Variants in WWP1 observed in about 807,000 individuals in gnomAD.
The protein encoded by WWP1 is WW domain containing E3 ubiquitin protein ligase 1.
A neutral mutation model predicts 130.6 loss-of-function variants in WWP1; 49 were observed. The observed-to-expected ratio is 0.38, with a 90% CI of 0.30 to 0.48. WWP1 has a LOEUF of 0.48. Ranked by LOEUF, WWP1 falls within the 20% of genes least tolerant of loss-of-function variation. The pLI, the probability that WWP1 is intolerant of heterozygous loss-of-function variation, is 0.99. For synonymous variants in WWP1, 332 were observed against 367.8 expected, an observed-to-expected ratio of 0.90 and a Z score of 1.11; for missense variants, 809 against 1,100.6, an observed-to-expected ratio of 0.74 and a Z score of 3.75.
chr8:86,387,704 G>C (rs1825368229), intron 5 of WWP1, among the ~76,000 whole-genome samples: 1 of 151,856 alleles, frequency 6.6e-6, no homozygotes, highest in Non-Finnish European at 1.5e-5. Context: ...TGTATTTTTT[G>C]GTAGAGATGG....
At chr8:86,372,017 A>ATTTTTTTTTTTTTT (rs34458424) in intron 2 of WWP1, among the ~76,000 whole-genome samples, 2 of 70,216 alleles carry the variant, frequency 2.8e-5, no homozygotes, top group African/African-American at 6.0e-5. Context: ...TAATTTTTGT[A>ATTTTTTTTTTTTTT]TTTTTTTTTT....
At chr8:86,442,556 T>G in intron 17 of WWP1, 63 bp from the exon 18 acceptor site, 1 of 1,426,142 alleles carries the variant, frequency 7.0e-7, no homozygotes, top group South Asian at 1.4e-5. Context: ...TGAATATATT[T>G]AAGATCTGTT....
chr8:86,427,525 A>G, intron 10 of WWP1, 118 bp from the exon 11 acceptor site: 1 of 1,041,904 alleles, frequency 9.6e-7, no homozygotes, highest in Non-Finnish European at 1.3e-6. Flanking sequence ...TCATAGTTTT[A>G]TATGTTTTAG....
chr8:86,369,808 CCTT>C (rs1413301938), intron 2 of WWP1, among the ~76,000 whole-genome samples: 1 of 152,078 alleles, frequency 6.6e-6, no homozygotes, highest in South Asian at 2.1e-4. Context: ...CTGTATCTGT[CCTT>C]CTTTTGCATC....
chr8:86,384,090 A>G (rs1353757274), intron 5 of WWP1, among the ~76,000 whole-genome samples: 3 of 152,150 alleles, frequency 2.0e-5, no homozygotes, highest in Non-Finnish European at 4.4e-5. Flanking sequence ...TTCCCTCTGT[A>G]TATGTGTCTG....
chr8:86,355,053 A>G (rs1823177072), intron 1 of WWP1, among the ~76,000 whole-genome samples: 1 of 152,206 alleles, frequency 6.6e-6, no homozygotes, highest in African/African-American at 2.4e-5. Context: ...TGAAGTTTGC[A>G]TGTAGGTCTG....
intron 21 of WWP1, among the ~76,000 whole-genome samples, chr8:86,453,411 T>C (rs1050936124): frequency 3.3e-5 from 5 of 152,342 alleles, no homozygotes; most frequent in South Asian, 2.1e-4. Flanking sequence ...TAGAGTATTA[T>C]GTACACTACC....
chr8:86,435,538 G>A lies in WWP1; in HGVS notation c.1677+11G>A. ...CGTTATTTGTGCCAGGTACTATAGT[G>A]GTAAATAAATCTTATACTCAATAAT... On this transcript the variant is annotated intron_variant, in intron 15 of 24. Coordinates refer to ENST00000517970, the MANE Select transcript of WWP1 (RefSeq NM_007013.4). 6.2e-7 allele frequency: 1 copy of A among 1,613,844 alleles called. No homozygotes were observed. The highest frequency in any genetic ancestry group is 8.5e-7 in the Non-Finnish European group (1 of 1,179,916).
chr8:86,373,554 G>C (rs1043848416), intron 2 of WWP1, among the ~76,000 whole-genome samples: 1 of 152,024 alleles, frequency 6.6e-6, no homozygotes, highest in Non-Finnish European at 1.5e-5. Context: ...ACAGAGTCTC[G>C]CTCTGTTGCC....
At chr8:86,439,633 G>A (rs1408594470) in intron 17 of WWP1, among the ~76,000 whole-genome samples, 2 of 151,990 alleles carry the variant, frequency 1.3e-5, no homozygotes, top group Non-Finnish European at 2.9e-5. Flanking sequence ...TATGTTTTTA[G>A]TCCAATCTGA....
intron 5 of WWP1, among the ~76,000 whole-genome samples, chr8:86,396,047 A>C (rs1235967192): frequency 6.6e-6 from 1 of 152,080 alleles, no homozygotes; most frequent in African/African-American, 2.4e-5. Context: ...CAGTCAATAT[A>C]GTTTTCTTCA....
At chr8:86,426,192 A>G (rs1447494438) in intron 10 of WWP1, among the ~76,000 whole-genome samples, 1 of 152,252 alleles carries the variant, frequency 6.6e-6, no homozygotes, top group East Asian at 1.9e-4. Flanking sequence ...AGTTCATTTT[A>G]ACTATGACAA....
At chr8:86,426,933 G>A (rs1452663830) in intron 10 of WWP1, among the ~76,000 whole-genome samples, 1 of 152,056 alleles carries the variant, frequency 6.6e-6, no homozygotes, top group East Asian at 1.9e-4. Context: ...CCAAGAGGTG[G>A]GAGGATCACC....
At chr8:86,426,132 A>C (rs1206338240) in intron 10 of WWP1, among the ~76,000 whole-genome samples, 4 of 152,248 alleles carry the variant, frequency 2.6e-5, no homozygotes, top group Non-Finnish European at 2.9e-5. Context: ...GTGTTAAATG[A>C]GAACGTATTG....
intron 18 of WWP1, among the ~76,000 whole-genome samples, chr8:86,445,951 CT>C (rs1280645646): frequency 5.4e-4 from 50 of 92,030 alleles, no homozygotes; most frequent in East Asian, 4.8e-3. Context: ...GCTTATATGT[CT>C]TTTCTTTTCT....
chr8:86,367,497 A>AT (rs1332134553), intron 1 of WWP1, among the ~76,000 whole-genome samples: 1 of 152,210 alleles, frequency 6.6e-6, no homozygotes, highest in Admixed American at 6.5e-5. Context: ...TGATAGATCT[A>AT]TAACCTAAGA....
intron 18 of WWP1, among the ~76,000 whole-genome samples, chr8:86,445,972 T>TTTTCTTTTCTTTTCTTTTC (rs1316557138): frequency 8.2e-6 from 1 of 122,512 alleles, no homozygotes; most frequent in Non-Finnish European, 1.6e-5. Flanking sequence ...TTTTCTTTTC[T>TTTTCTTTTCTTTTCTTTTC]TTTCTTTTTT....
intron 23 of WWP1, chr8:86,461,572 G>A: frequency 1.6e-6 from 1 of 631,272 alleles, no homozygotes; most frequent in Non-Finnish European, 2.8e-6. Context: ...ATTCTGTAGA[G>A]AGAGTTTTCT....
At chr8:86,412,716 G>GTT (rs537421906) in intron 9 of WWP1, among the ~76,000 whole-genome samples, 4 of 142,280 alleles carry the variant, frequency 2.8e-5, no homozygotes, top group African/African-American at 2.6e-5. Context: ...TTTTGGAATT[G>GTT]TTTTTTTTTT....
Sources: allele counts gnomAD v4.1 joint callset (sites outside exome capture counted in the v4.1 genomes callset), GRCh38; gene constraint gnomAD v4.1.1; transcripts MANE v1.5; gene names NCBI Gene and HGNC (gene_info 2026-07-23, HGNC 2026-07-21).